MUL1: variants seen among roughly 807,000 people sequenced by gnomAD.
MUL1 encodes the protein mitochondrial ubiquitin ligase activator of NFKB 1.
MUL1 carries 30 observed loss-of-function variants against 34.1 expected under a neutral mutation model. That is an observed-to-expected ratio of 0.88 (90% CI 0.66 to 1.19). The LOEUF is 1.19. Among genes scored for constraint, MUL1 ranks in the 50% most tolerant of loss-of-function variants. The probability of loss-of-function intolerance (pLI) is 0.00; values close to 1 mark genes in which losing one functional copy is unlikely to be tolerated. For synonymous variants in MUL1, 191 were observed against 187.8 expected (o/e 1.02, Z -0.14); for missense variants, 419 against 450.5 (o/e 0.93, Z 0.63).
At chr1:20,502,917 G>C (rs530399488) in intron 2 of MUL1, among the ~76,000 whole-genome samples, 1 of 152,104 alleles carries the variant, frequency 6.6e-6, no homozygotes, top group East Asian at 1.9e-4. Context: ...TCAAAACAAT[G>C]ACATTCTGAT....
rs1421654305 is a variant in MUL1 at position 20,503,254 on chromosome 1, G to A, written c.176C>T (p.Pro59Leu). Residue 59 changes from proline to leucine, a missense_variant, in exon 2 of 4, where the codon CCA (proline) becomes CTA (leucine). By Grantham distance (98) the Pro-to-Leu change is moderately conservative (BLOSUM62 -3). Transcript: ENST00000264198. ...EDLKSILSEA[P>L]GKCVPYAVIE... ...AACAGCATAAGGCACGCATTTTCCT[G>A]GAGCTTCTGAAAGAATACTCTTTAA... The A allele has an allele frequency of 1.2e-6, 2 of 1,609,816 alleles. No individual in the cohort carries two copies. The highest frequency in any genetic ancestry group is 1.7e-5 in the Admixed American group (1 of 59,392).
chr1:20,502,409 TGTG>T (rs1227466660), intron 2 of MUL1, among the ~76,000 whole-genome samples: 1 of 152,116 alleles, frequency 6.6e-6, no homozygotes, highest in Non-Finnish European at 1.5e-5. Context: ...GTTAGCAGGG[TGTG>T]GTGGCATGTG....
chr1:20,500,670 G>A lies in MUL1; in HGVS notation c.*20C>T, dbSNP rs765764759. On this transcript the variant is annotated 3_prime_UTR_variant, in exon 4 of 4. Coordinates refer to ENST00000264198, the MANE Select transcript of MUL1 (RefSeq NM_024544.3). ...GGGGGCAGGGGTGCTTCCAGGTCAA[G>A]CTGTGCGGCTTCCAAACTATTAGCT... 14 of 1,534,788 alleles carry A rather than the reference G, an allele frequency of 9.1e-6. No individual in the cohort carries two copies. Among genetic ancestry groups the A allele is most frequent in the Non-Finnish European group, 9.7e-6 (11 of 1,139,662 alleles).
At chr1:20,502,233 C>T (rs79865810) in intron 2 of MUL1, 44 bp from the exon 3 acceptor site, 36,980 of 1,611,342 alleles carry the variant, frequency 0.023, 516 homozygotes, top group Non-Finnish European at 0.027. Flanking sequence ...AGTTTTCTGC[C>T]CTCTCCTTTC....
chr1:20,506,986 G>A (rs950297226), intron 1 of MUL1, among the ~76,000 whole-genome samples: 8 of 152,152 alleles, frequency 5.3e-5, no homozygotes, highest in Admixed American at 2.0e-4. Flanking sequence ...CCAACGCTTC[G>A]GAGAGCCGAG....
In MUL1 at chr1:20,500,658, C is replaced by G; in HGVS notation, c.*32G>C. On this transcript the variant is annotated 3_prime_UTR_variant, in exon 4 of 4. Coordinates refer to ENST00000264198, the MANE Select transcript of MUL1 (RefSeq NM_024544.3). ...AATCCCTGAAAAGGGGGCAGGGGTG[C>G]TTCCAGGTCAAGCTGTGCGGCTTCC... is the stretch of plus-strand genomic sequence containing the variant. The G allele has an allele frequency of 6.6e-7, 1 of 1,525,122 alleles. No homozygotes were observed. Among genetic ancestry groups the G allele is most frequent in the Non-Finnish European group, 8.8e-7 (1 of 1,135,830 alleles). 94.5% of individuals were successfully genotyped at this position (1,525,122 alleles called of 1,614,324 possible).
chr1:20,502,298 C>T lies in MUL1; in HGVS notation c.209-109G>A, dbSNP rs574420027. 1.5e-5 allele frequency: 22 copies of T among 1,471,958 alleles called. No homozygotes were observed. In the Middle Eastern group the frequency reaches 9.8e-4, roughly 66 times the overall value. 91.2% of individuals were successfully genotyped at this position (1,471,958 alleles called of 1,614,324 possible). A position where few individuals can be genotyped will look rare whatever the true frequency, so the allele number is the denominator to read the frequency against. ...GCACAGTAGGTCACACCTATAATCCCAACACTTTGGGAAGCCAAGTCAGAA... is the reference window on the plus strand; with the variant it reads ...GCACAGTAGGTCACACCTATAATCCTAACACTTTGGGAAGCCAAGTCAGAA... On this transcript the variant is annotated intron_variant, in intron 2 of 3. Coordinates refer to ENST00000264198, the MANE Select transcript of MUL1 (RefSeq NM_024544.3).
At chr1:20,506,095 G>C (rs775909509) in intron 1 of MUL1, among the ~76,000 whole-genome samples, 11 of 152,016 alleles carry the variant, frequency 7.2e-5, no homozygotes, top group Non-Finnish European at 1.5e-4. Context: ...TTTTTTCTGA[G>C]ATGGAGTCCT....
At position 20,503,308 on chromosome 1, in the gene MUL1, C is replaced by T. The variant is rs753298792; in HGVS notation, c.122G>A (p.Gly41Glu). The change falls in exon 2 of 4, where the codon GGA becomes GAA. Residue 41 changes from glycine (G) to glutamate (E), a missense_variant and splice_region_variant. Coordinates refer to ENST00000264198, the MANE Select transcript of MUL1 (RefSeq NM_024544.3). ...QKARVSQELK[G>E]AKKVHLGEDL... Reference sequence around the variant, plus strand: ...TTCACCCAAATGAACTTTTTTAGCTCCCTAAATAAAAAAAAAAAATTAAAT... The same window carrying T: ...TTCACCCAAATGAACTTTTTTAGCTTCCTAAATAAAAAAAAAAAATTAAAT... 2 of 1,569,684 alleles carry T rather than the reference C, an allele frequency of 1.3e-6. No homozygotes were observed. The highest frequency in any genetic ancestry group is 2.4e-5 in the South Asian group (2 of 84,056).
At position 20,505,910 on chromosome 1, in the gene MUL1, C is replaced by T. The variant is rs1007943198; in HGVS notation, c.120+1995G>A. Among the ~76,000 whole-genome samples the T allele has an allele frequency of 2.6e-5, 4 of 152,128 alleles. No individual in the cohort carries two copies. In the South Asian group the frequency reaches 8.3e-4, roughly 31 times the overall value. ...GAGTCAGAAAGTGAAGTATCAGATA[C>T]ACAGAGCTAATCACTTCAGGATTAA... On this transcript the variant is annotated intron_variant, in intron 1 of 3. Coordinates refer to ENST00000264198, the MANE Select transcript of MUL1 (RefSeq NM_024544.3).
chr1:20,504,952 T>C (rs1178936149), intron 1 of MUL1, among the ~76,000 whole-genome samples: 1 of 152,060 alleles, frequency 6.6e-6, no homozygotes, highest in Non-Finnish European at 1.5e-5. Flanking sequence ...GTGAGACAGC[T>C]AGTAAAGTAT....
intron 2 of MUL1, 96 bp from the exon 3 acceptor site, chr1:20,502,285 A>C: frequency 6.5e-7 from 1 of 1,536,620 alleles, no homozygotes; most frequent in South Asian, 1.2e-5. Flanking sequence ...ACAGTAGGTC[A>C]CACCTATAAT....
At chr1:20,506,754 G>A (rs1015989826) in intron 1 of MUL1, among the ~76,000 whole-genome samples, 4 of 151,982 alleles carry the variant, frequency 2.6e-5, no homozygotes, top group African/African-American at 9.7e-5. Context: ...GGAGGCTGAG[G>A]CAGGAAAATC....
In MUL1 at chr1:20,502,189, C is replaced by T; in HGVS notation, c.209G>A (p.Gly70Glu). The T allele has an allele frequency of 1.2e-6, 2 of 1,613,858 alleles. No individual in the cohort carries two copies. The highest frequency in any genetic ancestry group is 1.7e-6 in the Non-Finnish European group (2 of 1,179,926). Residue 70 changes from glycine (G) to glutamate (E), a missense_variant and splice_region_variant, in exon 3 of 4, where the codon GGA (glycine) becomes GAA (glutamate). Gly to Glu is a moderately conservative substitution (Grantham distance 98, BLOSUM62 -2). Transcript: ENST00000264198. Reference sequence around the variant, plus strand: ...CGTTTCTTTAACAGACCGCACAGCTCCTAAGTGGACACAAATTCTATTATT... The same window carrying T: ...CGTTTCTTTAACAGACCGCACAGCTTCTAAGTGGACACAAATTCTATTATT... ...GKCVPYAVIE[G>E]AVRSVKETLN...
rs768855958 is a variant in MUL1 at position 20,501,193 on chromosome 1, C to T, written c.556G>A (p.Glu186Lys). The stretch of plus-strand genomic sequence containing the variant: ...GTGGCCCCCACCTTCAGCATCTCCT[C>T]GGTCTCTTGGATGCCTTTGGGCCGC... ...GERPKGIQET[E>K]EMLKVGATLT... Residue 186 changes from glutamate (E) to lysine (K), a missense_variant, in exon 4 of 4, where the codon GAG becomes AAG. By Grantham distance (56) the Glu-to-Lys change is moderately conservative. Transcript: ENST00000264198. The surrounding 1 kb of genome is among the most constrained non-coding windows in gnomAD (Gnocchi z 4.2). The T allele has an allele frequency of 5.0e-6, 8 of 1,613,882 alleles. No homozygotes were observed. Among genetic ancestry groups the T allele is most frequent in the African/African-American group, 2.7e-5 (2 of 74,930 alleles).
At chr1:20,506,052 T>G (rs1374524719) in intron 1 of MUL1, among the ~76,000 whole-genome samples, 1 of 152,180 alleles carries the variant, frequency 6.6e-6, no homozygotes, top group Non-Finnish European at 1.5e-5. Flanking sequence ...ACTCCCTTCA[T>G]GGCAGGGACT....
chr1:20,505,003 G>A (rs916775840), intron 1 of MUL1, among the ~76,000 whole-genome samples: 4 of 152,156 alleles, frequency 2.6e-5, no homozygotes, highest in East Asian at 1.9e-4. Flanking sequence ...AGGGGGAAGA[G>A]GGAGAATATG....
intron 1 of MUL1, among the ~76,000 whole-genome samples, chr1:20,507,140 C>T (rs956122753): frequency 2.0e-5 from 3 of 151,982 alleles, no homozygotes; most frequent in African/African-American, 7.2e-5. Flanking sequence ...CACTTGAACC[C>T]GGGAGGCAGG....
Position 20,508,080 on chromosome 1 carries a change from C to T in MUL1, c.-56G>A. Reference sequence around the variant, plus strand: ...GCGCCAAGGATAGGCCTGGTGACCCCCGACTCTCCACCTCCTTCCGACCAG... The same window carrying T: ...GCGCCAAGGATAGGCCTGGTGACCCTCGACTCTCCACCTCCTTCCGACCAG... On this transcript the variant is annotated 5_prime_UTR_variant, in exon 1 of 4. Transcript: ENST00000264198. The T allele has an allele frequency of 6.4e-7, 1 of 1,552,824 alleles. No homozygotes were observed. Among genetic ancestry groups the T allele is most frequent in the Non-Finnish European group, 8.7e-7 (1 of 1,149,426 alleles).
Sources: gnomAD v4.1 joint callset for allele counts (sites outside exome capture counted in the v4.1 genomes callset) on GRCh38, gnomAD v4.1.1 for gene constraint, Gnocchi (gnomAD v3.1) non-coding constraint, MANE v1.5 for transcripts, NCBI Gene and HGNC (gene_info 2026-07-23, HGNC 2026-07-21) for gene names.